Variants in SCG3 observed in about 807,000 individuals in gnomAD.
SCG3 encodes the protein secretogranin III, also known as secretogranin-3.
Under a neutral mutation model 56.2 loss-of-function variants are expected in SCG3, and 38 were observed. The observed-to-expected ratio is 0.68, with a 90% CI of 0.52 to 0.89. SCG3 has a LOEUF of 0.89. Ranked by LOEUF, SCG3 falls within the 40% of genes least tolerant of loss-of-function variation. SCG3 has a pLI of 0.00. For synonymous variants in SCG3, 176 were observed against 184.2 expected (o/e 0.96, Z 0.36); for missense variants, 524 against 540.7 (o/e 0.97, Z 0.31).
At chr15:51,706,320 G>C (rs116339747) in intron 10 of SCG3, among the ~76,000 whole-genome samples, 81 of 152,274 alleles carry the variant, frequency 5.3e-4, no homozygotes, top group African/African-American at 1.9e-3. Flanking sequence ...CAATTCCTGC[G>C]TTTGAGGACT....
chr15:51,686,744 T>C (rs192956148), intron 4 of SCG3, among the ~76,000 whole-genome samples: 22 of 146,362 alleles, frequency 1.5e-4, no homozygotes, highest in African/African-American at 3.8e-4. Flanking sequence ...TTTTCTGCTT[T>C]TTTGTCTCTC....
chr15:51,692,191 T>C lies in SCG3; in HGVS notation c.723T>C (p.Ala241=). The part of the protein sequence containing the change: ...TPMAAIQDGL[A]KGENDETVSN... ...TGGCAGCAATTCAAGATGGTCTTGC[T>C]AAGGGAGAAAACGATGAAACAGTAT... The change falls in exon 7 of 12, where the codon GCT becomes GCC. Residue 241 remains alanine (A), a synonymous_variant. Transcript: ENST00000220478. 1 of 1,613,408 alleles carries C rather than the reference T, an allele frequency of 6.2e-7. No homozygotes were observed. The highest frequency in any genetic ancestry group is 2.2e-5 in the East Asian group (1 of 44,872).
chr15:51,690,273 T>G (rs951186530), intron 6 of SCG3, among the ~76,000 whole-genome samples: 1 of 152,184 alleles, frequency 6.6e-6, no homozygotes, highest in Non-Finnish European at 1.5e-5. Flanking sequence ...ACTCCTTGCG[T>G]CTTCATTTTT....
intron 11 of SCG3, among the ~76,000 whole-genome samples, chr15:51,715,908 A>AG (rs978333442): frequency 1.3e-5 from 2 of 151,012 alleles, no homozygotes; most frequent in African/African-American, 4.9e-5. Flanking sequence ...CCCAGGCTGG[A>AG]GTGCAGTGGC....
chr15:51,700,194 G>A (rs1180424805), intron 9 of SCG3, among the ~76,000 whole-genome samples: 2 of 151,858 alleles, frequency 1.3e-5, no homozygotes, highest in African/African-American at 2.4e-5. Context: ...TGACACAAGC[G>A]AAGAACAAAA....
At chr15:51,704,210 T>C (rs922332736) in intron 10 of SCG3, among the ~76,000 whole-genome samples, 1 of 138,840 alleles carries the variant, frequency 7.2e-6, no homozygotes, top group African/African-American at 2.6e-5. Context: ...CTTTTTAAAA[T>C]ATATATATAT....
chr15:51,692,503 T>C (rs549156739), intron 7 of SCG3, among the ~76,000 whole-genome samples, 167 bp downstream of exon 7: 1 of 152,274 alleles, frequency 6.6e-6, no homozygotes, highest in South Asian at 2.1e-4. Flanking sequence ...CAAAGGAGCA[T>C]GCCAGTTATG....
In SCG3 at chr15:51,713,317, C is replaced by T. The variant is rs1439029056; in HGVS notation, c.1208-16C>T. 6.5e-7 allele frequency: 1 copy of T among 1,546,676 alleles called. No homozygotes were observed. Among genetic ancestry groups the T allele is most frequent in the Middle Eastern group, 1.7e-4 (1 of 5,920 alleles). On this transcript the variant is annotated splice_polypyrimidine_tract_variant and intron_variant, in intron 10 of 11. Transcript: ENST00000220478. The stretch of plus-strand genomic sequence containing the variant: ...TATTTCCTGAGTGTTTGATATAGTT[C>T]TCTTACCTCTTCCAGGAAAAACAGA...
At chr15:51,703,405 C>T (rs542935973) in intron 10 of SCG3, among the ~76,000 whole-genome samples, 1 of 152,176 alleles carries the variant, frequency 6.6e-6, no homozygotes, top group Non-Finnish European at 1.5e-5. Flanking sequence ...TTTTATATTA[C>T]TATTACCTTT....
chr15:51,713,511 C>T lies in SCG3; in HGVS notation c.1288+98C>T, dbSNP rs111717467. 1,700 of 751,856 alleles carry T rather than the reference C, an allele frequency of 2.3e-3. 30 individuals are homozygous for T. The African/African-American group carries it at 0.028, about 13-fold the overall frequency. The allele number at this position is 751,856 out of a possible 1,614,324, so 46.6% of individuals were successfully genotyped here. A position where few individuals can be genotyped will look rare whatever the true frequency, so the allele number is the denominator to read the frequency against. ...ACAGTCAAATTGACTGTGCTAAAGT[C>T]TCCCCGCAGAGCCCAAAAAAGACTG... On this transcript the variant is annotated intron_variant, in intron 11 of 11. Coordinates refer to ENST00000220478, the MANE Select transcript of SCG3 (RefSeq NM_013243.4).
chr15:51,709,662 CATATATATATATAT>C (rs148744249), intron 10 of SCG3, among the ~76,000 whole-genome samples: 403 of 28,310 alleles, frequency 0.014, 4 homozygotes, highest in Admixed American at 0.025. Context: ...AAATCTATGC[CATATATATATATAT>C]ATATATATAT....
At position 51,683,125 on chromosome 15, in the gene SCG3, G is replaced by A; in HGVS notation, c.181+1G>A. The stretch of plus-strand genomic sequence containing the variant: ...AAGATTAAAAAAACATATCCTCCAG[G>A]TAAAAAGAAATCATATTGATGTTAA... On this transcript the variant is annotated splice_donor_variant, in intron 3 of 11. Coordinates refer to ENST00000220478, the MANE Select transcript of SCG3 (RefSeq NM_013243.4). LOFTEE classifies it high-confidence loss of function. 1 of 1,608,436 alleles carries A rather than the reference G, an allele frequency of 6.2e-7. No homozygotes were observed.
At chr15:51,687,712 A>G (rs1037425090) in intron 4 of SCG3, among the ~76,000 whole-genome samples, 2 of 152,220 alleles carry the variant, frequency 1.3e-5, no homozygotes, top group South Asian at 4.1e-4. Flanking sequence ...TACAAGTTCA[A>G]TTAGAAGTAA....
At chr15:51,698,721 C>A (rs146243140) in intron 8 of SCG3, among the ~76,000 whole-genome samples, 1 of 152,346 alleles carries the variant, frequency 6.6e-6, no homozygotes, top group East Asian at 1.9e-4. Context: ...TCCAGACAGA[C>A]TGCTCCCTGT....
At chr15:51,697,505 T>A (rs1318680215) in intron 8 of SCG3, among the ~76,000 whole-genome samples, 1 of 152,224 alleles carries the variant, frequency 6.6e-6, no homozygotes, top group African/African-American at 2.4e-5. Context: ...ACTAGGCACA[T>A]TTCAAGTGCC....
chr15:51,714,234 A>ACT (rs1479966606), intron 11 of SCG3, among the ~76,000 whole-genome samples: 2 of 152,118 alleles, frequency 1.3e-5, no homozygotes, highest in African/African-American at 4.8e-5. Flanking sequence ...ACATTTATGT[A>ACT]CTCTTCAGAG....
intron 10 of SCG3, among the ~76,000 whole-genome samples, chr15:51,704,278 TAA>T (rs57504525): frequency 2.3e-5 from 3 of 131,368 alleles, no homozygotes; most frequent in Non-Finnish European, 3.1e-5. Context: ...TATATATATA[TAA>T]AATAGCTCTT....
At chr15:51,701,299 A>G (rs2055338296) in intron 10 of SCG3, 55 bp downstream of exon 10, 1 of 1,514,856 alleles carries the variant, frequency 6.6e-7, no homozygotes, top group African/African-American at 1.4e-5. Flanking sequence ...AAAAGCTTTC[A>G]CCACACAAGG....
rs1248184079 is a variant in SCG3, at chr15:51,688,241, T to C, written c.398-19T>C. The C allele has an allele frequency of 1.2e-6, 2 of 1,604,690 alleles. No individual in the cohort carries two copies. Among genetic ancestry groups the C allele is most frequent in the South Asian group, 1.1e-5 (1 of 90,462 alleles). ...GATCTATGATCACTATGGTGTGAAG[T>C]TGTGGTCGTTCTGTCTAGATGATCC... On this transcript the variant is annotated intron_variant, in intron 4 of 11. Coordinates refer to ENST00000220478, the MANE Select transcript of SCG3 (RefSeq NM_013243.4).
Sources: allele counts gnomAD v4.1 joint callset (sites outside exome capture counted in the v4.1 genomes callset), GRCh38; gene constraint gnomAD v4.1.1; transcripts MANE v1.5; gene names NCBI Gene and HGNC (gene_info 2026-07-23, HGNC 2026-07-21).